Variants in CFAP54 observed in about 807,000 individuals in gnomAD.
CFAP54 encodes cilia and flagella associated protein 54, also known as cilia- and flagella-associated protein 54.
In CFAP54, 290 loss-of-function variants were observed where a neutral mutation model predicts 370.4. That is an observed-to-expected ratio of 0.78 (90% confidence interval 0.71 to 0.86). The LOEUF is 0.86. Among genes scored for constraint, CFAP54 ranks in the 40% least tolerant of loss-of-function variants. The pLI, the probability that CFAP54 is intolerant of heterozygous loss-of-function variation, is 0.00. For synonymous variants in CFAP54, 1,206 were observed against 1,236.5 expected, an observed-to-expected ratio of 0.98 and a Z score of 0.52; for missense variants, 3,399 against 3,528.7, an observed-to-expected ratio of 0.96 and a Z score of 0.93.
intron 9 of CFAP54, among the ~76,000 whole-genome samples, chr12:96,531,214 G>T (rs1357414337): frequency 6.6e-6 from 1 of 151,950 alleles, no homozygotes; most frequent in East Asian, 1.9e-4. Context: ...AGTTTGGCTG[G>T]ATATAATAGT....
rs371235606 is a variant in CFAP54, at chr12:96,765,063, T to G, written c.8140-14T>G. On this transcript the variant is annotated splice_polypyrimidine_tract_variant and intron_variant, in intron 59 of 67. Transcript: ENST00000524981. ...AGCTTATATTTATAATTCTAATTTATGCATTAATTGTAGGTCAGTGAAGCT... is the reference window on the plus strand; with the variant it reads ...AGCTTATATTTATAATTCTAATTTAGGCATTAATTGTAGGTCAGTGAAGCT... The G allele has an allele frequency of 1.2e-5, 17 of 1,401,534 alleles. No homozygotes were observed. The highest frequency in any genetic ancestry group is 1.5e-5 in the Non-Finnish European group (16 of 1,058,530). The allele number at this position is 1,401,534 out of a possible 1,614,324, so 86.8% of individuals were successfully genotyped here. A position where few individuals can be genotyped will look rare whatever the true frequency, so the allele number is the denominator to read the frequency against.
At chr12:96,625,316 C>G (rs766629821) in intron 28 of CFAP54, among the ~76,000 whole-genome samples, 5 of 152,230 alleles carry the variant, frequency 3.3e-5, no homozygotes, top group Non-Finnish European at 7.4e-5. Flanking sequence ...GAATTTGAAC[C>G]CAGCCAGTCT....
In CFAP54 at chr12:96,811,762, G is replaced by A. The variant is rs895989937; in HGVS notation, c.8877G>A (p.Leu2959=). ...PMVLLLYAYN[L]KPLKISDVRH... is the part of the protein sequence containing the mutation. ...TTTTATTGTTGTATGCATATAATTT[G>A]AAGCCTCTGAAGATTTCAGATGTTA... Residue 2959 remains leucine (L), a synonymous_variant, in exon 64 of 68, where the codon TTG becomes TTA. Coordinates refer to ENST00000524981, the MANE Select transcript of CFAP54 (RefSeq NM_001306084.2). 68 of 1,512,824 alleles carry A rather than the reference G, an allele frequency of 4.5e-5. No individual in the cohort carries two copies. The highest frequency in any genetic ancestry group is 5.9e-5 in the Non-Finnish European group (67 of 1,136,280). The allele number at this position is 1,512,824 out of a possible 1,614,324, so 93.7% of individuals were successfully genotyped here.
At chr12:96,763,818 A>G (rs552797659) in intron 58 of CFAP54, among the ~76,000 whole-genome samples, 1 of 152,322 alleles carries the variant, frequency 6.6e-6, no homozygotes, top group Admixed American at 6.5e-5. Context: ...TTATTACACA[A>G]ATAATTCAAA....
intron 14 of CFAP54, among the ~76,000 whole-genome samples, chr12:96,545,298 A>G (rs1017033638): frequency 6.6e-6 from 1 of 152,114 alleles, no homozygotes; most frequent in South Asian, 2.1e-4. Flanking sequence ...CCTAATACAG[A>G]TAACGGGTTG....
At chr12:96,643,302 G>T (rs1464744790) in intron 32 of CFAP54, among the ~76,000 whole-genome samples, 1 of 152,062 alleles carries the variant, frequency 6.6e-6, no homozygotes, top group African/African-American at 2.4e-5. Context: ...TCAAAAGGAA[G>T]CTGCCCTCCT....
intron 45 of CFAP54, among the ~76,000 whole-genome samples, chr12:96,698,642 A>C (rs549114600): frequency 6.6e-6 from 1 of 152,298 alleles, no homozygotes; most frequent in Admixed American, 6.5e-5. Context: ...ACACATGGAC[A>C]CAAAGAAGGG....
At chr12:96,666,930 A>T (rs1256712946) in intron 39 of CFAP54, among the ~76,000 whole-genome samples, 1 of 152,244 alleles carries the variant, frequency 6.6e-6, no homozygotes, top group Non-Finnish European at 1.5e-5. Flanking sequence ...TAAAATCAAA[A>T]GCAAGTTAGT....
chr12:96,839,288 T>C (rs1565998613), intron 66 of CFAP54, among the ~76,000 whole-genome samples: 1 of 152,240 alleles, frequency 6.6e-6, no homozygotes, highest in Non-Finnish European at 1.5e-5. Context: ...TTAATCCATG[T>C]AAAACTCTTA....
chr12:96,818,490 T>A (rs571354235), intron 65 of CFAP54, among the ~76,000 whole-genome samples: 3 of 152,216 alleles, frequency 2.0e-5, no homozygotes, highest in African/African-American at 7.2e-5. Context: ...GAGACAGTTA[T>A]ATGGAGACCA....
intron 32 of CFAP54, among the ~76,000 whole-genome samples, chr12:96,636,196 G>C (rs1956662808): frequency 6.6e-6 from 1 of 152,136 alleles, no homozygotes; most frequent in Non-Finnish European, 1.5e-5. Flanking sequence ...AGACCTCTCT[G>C]TGCCAGAAAC....
Position 96,827,796 on chromosome 12 carries a change from TA to T in CFAP54, c.9097-1217del, listed in dbSNP as rs1565994401. 6.0e-5 allele frequency among the ~76,000 whole-genome samples: 7 copies of T among 116,998 alleles called. 1 individual carries two copies. Among genetic ancestry groups the T allele is most frequent in the African/African-American group, 1.7e-4 (5 of 29,924 alleles). The allele number at this position is 116,998 out of a possible 152,430, so 76.8% of individuals were successfully genotyped here. Reference sequence around the variant, plus strand: ...TATATAGTTATATATAATATATAATTATATATAATACATAGTAATATATTAT... The same window carrying T: ...TATATAGTTATATATAATATATAATTTATATAATACATAGTAATATATTAT... On this transcript the variant is annotated intron_variant, in intron 65 of 67. Coordinates refer to ENST00000524981, the MANE Select transcript of CFAP54 (RefSeq NM_001306084.2).
chr12:96,537,087 G>C (rs1363018179), intron 12 of CFAP54, among the ~76,000 whole-genome samples: 2 of 152,102 alleles, frequency 1.3e-5, no homozygotes, highest in Non-Finnish European at 2.9e-5. Context: ...TTAGGTCTTA[G>C]AGCAGCCTCA....
At position 96,806,159 on chromosome 12, in the gene CFAP54, AATATATATATATAT is replaced by A. The variant is rs548500750; in HGVS notation, c.8851-5535_8851-5522del. ...AAAGCCAAGACTTTGTCACTAGCCAAATATATATATATATATATATATATATATATATATATATA... is the reference window on the plus strand; with the variant it reads ...AAAGCCAAGACTTTGTCACTAGCCAAATATATATATATATATATATATATA... On this transcript the variant is annotated intron_variant, in intron 63 of 67. Transcript: ENST00000524981. 9.3e-3 allele frequency among the ~76,000 whole-genome samples: 259 copies of A among 27,882 alleles called. 4 individuals carry two copies. Among genetic ancestry groups the A allele is most frequent in the African/African-American group, 0.018 (159 of 8,782 alleles). The allele number at this position is 27,882 out of a possible 152,430, so 18.3% of individuals were successfully genotyped here.
chr12:96,846,984 G>A (rs538741975), intron 66 of CFAP54, among the ~76,000 whole-genome samples: 14 of 152,274 alleles, frequency 9.2e-5, no homozygotes, highest in Admixed American at 6.5e-4. Context: ...GCTCAGTCCT[G>A]TGAGACTTCC....
At chr12:96,710,513 G>T (rs943754279) in intron 48 of CFAP54, among the ~76,000 whole-genome samples, 25 of 152,188 alleles carry the variant, frequency 1.6e-4, no homozygotes, top group African/African-American at 5.8e-4. Flanking sequence ...GGGTGGCCTG[G>T]GGTAAGAGCC....
At chr12:96,511,519 C>T (rs375836037) in intron 4 of CFAP54, among the ~76,000 whole-genome samples, 7 of 151,698 alleles carry the variant, frequency 4.6e-5, no homozygotes, top group Admixed American at 6.6e-5. Flanking sequence ...GGTTTCTCCA[C>T]GTTGGCCAGG....
chr12:96,765,382 C>CTATT, intron 60 of CFAP54, 164 bp downstream of exon 60: 1 of 448,790 alleles, frequency 2.2e-6, no homozygotes, highest in Non-Finnish European at 4.0e-6. Context: ...ATAGAGGGCT[C>CTATT]TTAGCTCACT....
At chr12:96,498,570 T>G (rs909182567) in intron 1 of CFAP54, among the ~76,000 whole-genome samples, 16 of 152,252 alleles carry the variant, frequency 1.1e-4, no homozygotes, top group African/African-American at 3.9e-4. Flanking sequence ...GGAGAATCAC[T>G]TGAATCCAGG....
Sources: gnomAD v4.1 joint callset for allele counts (sites outside exome capture counted in the v4.1 genomes callset) on GRCh38, gnomAD v4.1.1 for gene constraint, MANE v1.5 for transcripts, NCBI Gene and HGNC (gene_info 2026-07-23, HGNC 2026-07-21) for gene names.